Variants in PRKD1 observed in about 807,000 individuals in gnomAD.
PRKD1 encodes protein kinase D1, also known as serine/threonine-protein kinase D1.
PRKD1 carries 63 observed loss-of-function variants against 95.9 expected under a neutral mutation model. The observed-to-expected ratio is 0.66, with a 90% CI of 0.54 to 0.81. The LOEUF (loss-of-function observed/expected upper bound fraction) is 0.81. Among genes scored for constraint, PRKD1 ranks in the 30% least tolerant of loss-of-function variants. The pLI, the probability that PRKD1 is intolerant of heterozygous loss-of-function variation, is 0.00. For synonymous variants in PRKD1, 425 were observed against 423.1 expected (o/e 1.00, Z -0.05); for missense variants, 1,048 against 1,165.3 (o/e 0.90, Z 1.47).
intron 12 of PRKD1, 143 bp downstream of exon 12, chr14:29,626,341 T>G: frequency 1.5e-6 from 1 of 682,070 alleles, no homozygotes; most frequent in Non-Finnish European, 2.4e-6. Context: ...AAAAATTTTT[T>G]AAACGCAGAA....
chr14:29,619,119 T>A lies in PRKD1; in HGVS notation c.1905+5033A>T, dbSNP rs536667488. 2.0e-5 allele frequency among the ~76,000 whole-genome samples: 3 copies of A among 152,236 alleles called. No homozygotes were observed. In the South Asian group the frequency reaches 6.2e-4, roughly 32 times the overall value. On this transcript the variant is annotated intron_variant, in intron 13 of 17. Transcript: ENST00000331968. The stretch of plus-strand genomic sequence containing the variant: ...GGAATAGAATTTTATTTCTCAAGAT[T>A]AGTAAAAGAAAATCTTCCTCTCCAT...
intron 1 of PRKD1, among the ~76,000 whole-genome samples, chr14:29,743,832 G>T (rs1208602176): frequency 6.6e-6 from 1 of 152,188 alleles, no homozygotes; most frequent in African/African-American, 2.4e-5. Context: ...TCAGCAGCAT[G>T]TGACCCAGTG....
intron 2 of PRKD1, among the ~76,000 whole-genome samples, chr14:29,713,788 G>A (rs1566556065): frequency 1.3e-5 from 2 of 151,884 alleles, no homozygotes. Context: ...TTATGTCCTA[G>A]GCAATGTGCT....
At chr14:29,817,674 C>A (rs1424247721) in intron 1 of PRKD1, among the ~76,000 whole-genome samples, 1 of 152,100 alleles carries the variant, frequency 6.6e-6, no homozygotes, top group Non-Finnish European at 1.5e-5. Flanking sequence ...CGGGAGATCA[C>A]TAGGCTTATA....
intron 3 of PRKD1, 73 bp downstream of exon 3, chr14:29,666,004 A>G: frequency 6.9e-7 from 1 of 1,442,118 alleles, no homozygotes; most frequent in Non-Finnish European, 9.3e-7. Context: ...GTATCTTTGC[A>G]ATTGTGAATT....
chr14:29,915,770 G>C (rs1894868197), intron 1 of PRKD1, among the ~76,000 whole-genome samples: 1 of 152,142 alleles, frequency 6.6e-6, no homozygotes, highest in Admixed American at 6.6e-5. Flanking sequence ...AACACAATAG[G>C]AAGATTTAAA....
intron 1 of PRKD1, among the ~76,000 whole-genome samples, chr14:29,740,181 T>C (rs1886923947): frequency 6.6e-6 from 1 of 152,064 alleles, no homozygotes; most frequent in African/African-American, 2.4e-5. Flanking sequence ...AGCTTGGAAA[T>C]GAAAAAAATG....
At chr14:29,627,082 GGTTTTCT>G (rs1221082500) in intron 11 of PRKD1, among the ~76,000 whole-genome samples, 2 of 152,136 alleles carry the variant, frequency 1.3e-5, no homozygotes. Flanking sequence ...AAGTGGCAGA[GGTTTTCT>G]AACGTGCTAG....
At chr14:29,700,041 A>G (rs1884748062) in intron 2 of PRKD1, among the ~76,000 whole-genome samples, 1 of 152,054 alleles carries the variant, frequency 6.6e-6, no homozygotes, top group Non-Finnish European at 1.5e-5. Flanking sequence ...TTCCCACACT[A>G]GGTTCAAAAA....
chr14:29,720,983 C>T (rs901184266), intron 2 of PRKD1, among the ~76,000 whole-genome samples: 1 of 152,134 alleles, frequency 6.6e-6, no homozygotes, highest in African/African-American at 2.4e-5. Flanking sequence ...GAAATGTCAT[C>T]GCACTCTCAC....
chr14:29,605,961 G>A (rs923788777), intron 13 of PRKD1, among the ~76,000 whole-genome samples: 4 of 152,058 alleles, frequency 2.6e-5, no homozygotes, highest in African/African-American at 7.2e-5. Flanking sequence ...TCTGTTAGTC[G>A]GAAATTTCAG....
At chr14:29,812,773 G>C (rs916111133) in intron 1 of PRKD1, among the ~76,000 whole-genome samples, 1 of 152,094 alleles carries the variant, frequency 6.6e-6, no homozygotes, top group African/African-American at 2.4e-5. Context: ...ATTTGGGTGG[G>C]GACACAGAGC....
intron 1 of PRKD1, among the ~76,000 whole-genome samples, chr14:29,731,057 C>T (rs1304766547): frequency 6.6e-6 from 1 of 151,962 alleles, no homozygotes; most frequent in African/African-American, 2.4e-5. Flanking sequence ...ATGTTAACTA[C>T]CTTGATGTAG....
intron 2 of PRKD1, among the ~76,000 whole-genome samples, chr14:29,704,034 A>G (rs2139334895): frequency 6.6e-6 from 1 of 152,302 alleles, no homozygotes; most frequent in South Asian, 2.1e-4. Context: ...TATCCTTATG[A>G]TAGGTAATAC....
intron 2 of PRKD1, among the ~76,000 whole-genome samples, chr14:29,713,380 A>T (rs1311931406): frequency 3.3e-5 from 5 of 152,206 alleles, no homozygotes; most frequent in African/African-American, 4.8e-5. Flanking sequence ...GTGAATAAAC[A>T]TCAAGGAATC....
chr14:29,590,375 C>G (rs978858503), intron 16 of PRKD1, among the ~76,000 whole-genome samples: 2 of 152,120 alleles, frequency 1.3e-5, no homozygotes, highest in African/African-American at 4.8e-5. Flanking sequence ...CTTAGATAAT[C>G]TATGTGACAT....
intron 1 of PRKD1, among the ~76,000 whole-genome samples, chr14:29,924,855 A>G (rs1162603692): frequency 6.6e-6 from 1 of 152,144 alleles, no homozygotes; most frequent in Non-Finnish European, 1.5e-5. Flanking sequence ...ACACACAGAG[A>G]TCCTGTATCC....
chr14:29,664,527 C>A (rs1204581023), intron 3 of PRKD1, among the ~76,000 whole-genome samples: 1 of 152,176 alleles, frequency 6.6e-6, no homozygotes, highest in East Asian at 1.9e-4. Context: ...TGTCACACAG[C>A]AGTCCGGACA....
intron 13 of PRKD1, among the ~76,000 whole-genome samples, chr14:29,602,584 C>G (rs1402036226): frequency 3.9e-5 from 6 of 151,950 alleles, no homozygotes; most frequent in Non-Finnish European, 8.8e-5. Context: ...CATGCACCAC[C>G]ATGCCTGGCT....
Sources: allele counts gnomAD v4.1 joint callset (sites outside exome capture counted in the v4.1 genomes callset), GRCh38; gene constraint gnomAD v4.1.1; transcripts MANE v1.5; gene names NCBI Gene and HGNC (gene_info 2026-07-23, HGNC 2026-07-21).